Variants in ZNF114 observed in about 807,000 individuals in gnomAD.
ZNF114 encodes zinc finger protein 114, also known as zinc finger protein 114 (Y18).
In ZNF114, 8 loss-of-function variants were observed where a neutral mutation model predicts 6.8. The ratio of observed to expected loss-of-function variants is 1.18; its 90% confidence interval spans 0.69 to 2.13. The LOEUF is 2.13. Ranked by LOEUF, ZNF114 falls within the 30% of genes most tolerant of loss-of-function variation. The pLI is 0.00. For missense variants in ZNF114, 472 were observed against 519.5 expected, an observed-to-expected ratio of 0.91 and a Z score of 0.89; for synonymous variants, 169 against 185.5, an observed-to-expected ratio of 0.91 and a Z score of 0.72.
At chr19:48,280,960 G>T (rs7252746) in intron 4 of ZNF114, among the ~76,000 whole-genome samples, 30,549 of 152,058 alleles carry the variant, frequency 0.2, 3,496 homozygotes, top group Non-Finnish European at 0.25. Context: ...ATTGAAGTCC[G>T]GTCGCGTGAC....
At chr19:48,280,041 T>G (rs1025760988) in intron 4 of ZNF114, among the ~76,000 whole-genome samples, 1 of 152,142 alleles carries the variant, frequency 6.6e-6, no homozygotes, top group Non-Finnish European at 1.5e-5. Flanking sequence ...TCATCCTGGC[T>G]GCCAGTGGGC....
intron 3 of ZNF114, among the ~76,000 whole-genome samples, chr19:48,272,284 C>A (rs1313051243): frequency 1.3e-5 from 2 of 151,882 alleles, no homozygotes; most frequent in Non-Finnish European, 2.9e-5. Flanking sequence ...TGGTGGCATG[C>A]GCCTGTAATC....
intron 4 of ZNF114, among the ~76,000 whole-genome samples, chr19:48,281,003 G>T (rs7252774): frequency 2.0e-5 from 3 of 151,980 alleles, no homozygotes; most frequent in African/African-American, 7.3e-5. Context: ...CAGGGCCACA[G>T]GTGATGGTGT....
At chr19:48,284,208 T>C (rs1181428936) in intron 5 of ZNF114, among the ~76,000 whole-genome samples, 1 of 152,134 alleles carries the variant, frequency 6.6e-6, no homozygotes, top group Admixed American at 6.6e-5. Context: ...CCTGAAGGAA[T>C]ATCTCAAAGA....
At chr19:48,270,959 G>A (rs937447048) in intron 1 of ZNF114, 3 of 152,010 alleles carry the variant, frequency 2.0e-5, no homozygotes, top group African/African-American at 7.3e-5. Context: ...CGGAGGCTGA[G>A]GCGAGAGAAT....
At chr19:48,276,968 G>C (rs1384739977) in intron 3 of ZNF114, among the ~76,000 whole-genome samples, 1 of 152,030 alleles carries the variant, frequency 6.6e-6, no homozygotes, top group African/African-American at 2.4e-5. Flanking sequence ...GACAAGCCTG[G>C]CCAACATAGT....
intron 3 of ZNF114, among the ~76,000 whole-genome samples, chr19:48,275,174 AAGAGAGAAAGAGAG>A (rs980384023): frequency 9.0e-5 from 13 of 144,272 alleles, no homozygotes; most frequent in Non-Finnish European, 1.8e-4. Flanking sequence ...GAGAGAGAGG[AAGAGAGAAAGAGAG>A]AGAGAAAAAG....
At chr19:48,272,785 G>T (rs1967703692) in intron 3 of ZNF114, among the ~76,000 whole-genome samples, 1 of 138,546 alleles carries the variant, frequency 7.2e-6, no homozygotes, top group Non-Finnish European at 1.5e-5. Context: ...TTTCTTACGA[G>T]AAAGAGCTTT....
chr19:48,276,189 C>G (rs1214699696), intron 3 of ZNF114, among the ~76,000 whole-genome samples: 3 of 148,456 alleles, frequency 2.0e-5, no homozygotes, highest in South Asian at 2.1e-4. Flanking sequence ...AAGTGATTCT[C>G]CTGCTTCAGC....
At position 48,276,074 on chromosome 19, in the gene ZNF114, CTTTTTT is replaced by C. The variant is rs34454372; in HGVS notation, c.-69-3640_-69-3635del. ...CTGGAGGTGAGAGAGCCTCTTACCT[CTTTTTT>C]TTTTTTTTTTTTTTTTGAGATGGAG... On this transcript the variant is annotated intron_variant, in intron 3 of 5. Transcript: ENST00000595607. Among the ~76,000 whole-genome samples, 4 of 73,418 alleles carry C rather than the reference CTTTTTT, an allele frequency of 5.4e-5. No individual in the cohort carries two copies. The Admixed American group carries it at 8.0e-4, about 15-fold the overall frequency. The allele number at this position is 73,418 out of a possible 152,430, so 48.2% of individuals were successfully genotyped here.
At chr19:48,273,518 C>A (rs947290383) in intron 3 of ZNF114, among the ~76,000 whole-genome samples, 2 of 150,460 alleles carry the variant, frequency 1.3e-5, no homozygotes, top group African/African-American at 4.9e-5. Context: ...GGGGAAAGGA[C>A]GGAATTCAGG....
rs557307183 is a variant in ZNF114, at chr19:48,285,928, G to A, written c.304G>A (p.Gly102Arg). Reference protein sequence around the residue: ...CPKTEEPHRQGVNNVKPPAVA... With the variant: ...CPKTEEPHRQRVNNVKPPAVA... Reference sequence around the variant, plus strand: ...CAAAACAGAGGAACCACACAGGCAGGGGGTGAATAATGTGAAGCCACCTGC... The same window carrying A: ...CAAAACAGAGGAACCACACAGGCAGAGGGTGAATAATGTGAAGCCACCTGC... Residue 102 changes from glycine (G) to arginine (R), a missense_variant, in exon 6 of 6, where the codon GGG becomes AGG. Coordinates refer to ENST00000595607, the MANE Select transcript of ZNF114 (RefSeq NM_153608.4). 1.9e-6 allele frequency: 3 copies of A among 1,614,008 alleles called. No homozygotes were observed. Among genetic ancestry groups the A allele is most frequent in the African/African-American group, 2.7e-5 (2 of 74,908 alleles).
chr19:48,277,876 T>C (rs1967888741), intron 3 of ZNF114, among the ~76,000 whole-genome samples: 1 of 150,472 alleles, frequency 6.6e-6, no homozygotes, highest in Non-Finnish European at 1.5e-5. Flanking sequence ...TTTGAAACTT[T>C]TTCCTCTTAC....
chr19:48,286,923 CAT>C lies in ZNF114; in HGVS notation c.*46_*47del, dbSNP rs780114836. ...TCATTAATTTTCTGACTGTACCAAA[CAT>C]GTGAGGAGGACATATTGGAAGGGAG... On this transcript the variant is annotated 3_prime_UTR_variant, in exon 6 of 6. Transcript: ENST00000595607. The C allele has an allele frequency of 1.3e-5, 20 of 1,524,110 alleles. No individual in the cohort carries two copies. In the African/African-American group the frequency reaches 1.5e-4, roughly 12 times the overall value. The allele number at this position is 1,524,110 out of a possible 1,614,324, so 94.4% of individuals were successfully genotyped here.
chr19:48,283,717 G>C (rs1197099275), intron 5 of ZNF114, among the ~76,000 whole-genome samples: 1 of 148,104 alleles, frequency 6.8e-6, no homozygotes, highest in Non-Finnish European at 1.5e-5. Context: ...TTCTCCCTGG[G>C]GGGTTCTGGG....
chr19:48,274,568 G>A (rs1358525470), intron 3 of ZNF114, among the ~76,000 whole-genome samples: 1 of 150,242 alleles, frequency 6.7e-6, no homozygotes, highest in Non-Finnish European at 1.5e-5. Flanking sequence ...GTGCAGTGGT[G>A]CAATCTCGTC....
intron 1 of ZNF114, 159 bp from the exon 2 acceptor site, chr19:48,271,082 AAAGG>A (rs1243756765): frequency 6.6e-6 from 1 of 151,964 alleles, no homozygotes; most frequent in Non-Finnish European, 1.5e-5. Flanking sequence ...GAAAGAAAAG[AAAGG>A]AAGGAAGGAA....
chr19:48,281,008 T>C (rs1240877619), intron 4 of ZNF114, among the ~76,000 whole-genome samples: 2 of 152,104 alleles, frequency 1.3e-5, no homozygotes, highest in Non-Finnish European at 2.9e-5. Flanking sequence ...CCACAGGTGA[T>C]GGTGTGTGCT....
At position 48,282,375 on chromosome 19, in the gene ZNF114, C is replaced by T. The variant is rs1225805360; in HGVS notation, c.14C>T (p.Ser5Leu). The T allele has an allele frequency of 5.6e-6, 9 of 1,612,358 alleles. No individual in the cohort carries two copies. The highest frequency in any genetic ancestry group is 2.7e-5 in the African/African-American group (2 of 74,798). Reference protein sequence around the residue: MSQDSVTFADVAVNF... With the variant: MSQDLVTFADVAVNF... ...AAACTGCATGTGTTATTTTAGGACT[C>T]GGTGACCTTCGCAGACGTGGCTGTG... is the stretch of plus-strand genomic sequence containing the variant. The change falls in exon 5 of 6, where the codon TCG becomes TTG. Residue 5 changes from serine (S) to leucine (L), a missense_variant. Ser to Leu is a moderately radical substitution (Grantham distance 145). Coordinates refer to ENST00000595607, the MANE Select transcript of ZNF114 (RefSeq NM_153608.4).
Sources: allele counts gnomAD v4.1 joint callset (sites outside exome capture counted in the v4.1 genomes callset), GRCh38; gene constraint gnomAD v4.1.1; transcripts MANE v1.5; gene names NCBI Gene and HGNC (gene_info 2026-07-23, HGNC 2026-07-21).